Variants in WWC2 observed in about 807,000 individuals in gnomAD.
The protein encoded by WWC2 is protein WWC2.
In WWC2, 101 loss-of-function variants were observed where a neutral mutation model predicts 138.5. The observed-to-expected ratio is 0.73, with a 90% CI of 0.62 to 0.86. The LOEUF (loss-of-function observed/expected upper bound fraction) is 0.86. WWC2 is among the 40% of genes least tolerant of loss of function. The pLI is 0.00. For synonymous variants in WWC2, 558 were observed against 538.4 expected (o/e 1.04, Z -0.50); for missense variants, 1,420 against 1,419.4 (o/e 1.00, Z -0.01).
At chr4:183,306,885 A>AAAAAAAAAAAG (rs1432959671) in intron 21 of WWC2, among the ~76,000 whole-genome samples, 4 of 151,172 alleles carry the variant, frequency 2.6e-5, no homozygotes, top group Admixed American at 6.6e-5. Flanking sequence ...ATGAGGCAAA[A>AAAAAAAAAAAG]AAAAAAAAAA....
intron 22 of WWC2, 66 bp downstream of exon 22, chr4:183,312,534 C>T (rs1321496579): frequency 1.9e-6 from 3 of 1,598,862 alleles, no homozygotes; most frequent in Non-Finnish European, 2.6e-6. Context: ...TAGGAATTCA[C>T]CTCAGTGCAG....
rs1420771994 is a variant in WWC2 at position 183,270,521 on chromosome 4, T to C, written c.2401-559T>C. 2.0e-5 allele frequency among the ~76,000 whole-genome samples: 3 copies of C among 152,260 alleles called. No individual in the cohort carries two copies. In the East Asian group the frequency reaches 5.8e-4, roughly 29 times the overall value. The stretch of plus-strand genomic sequence containing the variant: ...GGTCATGCCTGTAATCCTAGCACTT[T>C]GGGAGGCCGAGGCAGGCAGATCACC... On this transcript the variant is annotated intron_variant, in intron 15 of 22. Coordinates refer to ENST00000403733, the MANE Select transcript of WWC2 (RefSeq NM_024949.6).
At chr4:183,224,614 G>A (rs1736020084) in intron 4 of WWC2, among the ~76,000 whole-genome samples, 1 of 152,188 alleles carries the variant, frequency 6.6e-6, no homozygotes, top group Non-Finnish European at 1.5e-5. Context: ...AGGATGGAGT[G>A]CACTGGCGCC....
At chr4:183,126,273 G>A (rs1341496025) in intron 1 of WWC2, among the ~76,000 whole-genome samples, 1 of 152,228 alleles carries the variant, frequency 6.6e-6, no homozygotes, top group Non-Finnish European at 1.5e-5. Context: ...GATTGTTTGA[G>A]AGGTAATGTC....
At chr4:183,229,079 G>C (rs1002102997) in intron 4 of WWC2, among the ~76,000 whole-genome samples, 2 of 152,010 alleles carry the variant, frequency 1.3e-5, no homozygotes, top group Non-Finnish European at 2.9e-5. Context: ...TAATTTGGAG[G>C]GCACAAGAGT....
At chr4:183,177,518 T>C (rs1380876650) in intron 1 of WWC2, among the ~76,000 whole-genome samples, 2 of 152,314 alleles carry the variant, frequency 1.3e-5, no homozygotes, top group East Asian at 3.9e-4. Flanking sequence ...GAAGCTCCTT[T>C]GTTGTTTAAC....
chr4:183,188,682 G>T (rs1580033958), intron 1 of WWC2, among the ~76,000 whole-genome samples: 1 of 102,038 alleles, frequency 9.8e-6, no homozygotes, highest in Admixed American at 1.5e-4. Context: ...TCTCGCTCTT[G>T]TCCCCAGGCT....
rs1739619531 is a variant in WWC2, at chr4:183,320,738, A to C, written c.*5009A>C. ...GTTATTTTTTAAAAATAGGTTTAAG[A>C]AAAGTATTTCTTAACCAAATAAATC... is the stretch of plus-strand genomic sequence containing the variant. On this transcript the variant is annotated 3_prime_UTR_variant, in exon 23 of 23. Coordinates refer to ENST00000403733, the MANE Select transcript of WWC2 (RefSeq NM_024949.6). 1.7e-5 allele frequency: 3 copies of C among 172,312 alleles called. No homozygotes were observed. In the South Asian group the frequency reaches 5.1e-4, roughly 30 times the overall value. 10.7% of individuals were successfully genotyped at this position (172,312 alleles called of 1,614,324 possible). A position where few individuals can be genotyped will look rare whatever the true frequency, so the allele number is the denominator to read the frequency against.
chr4:183,280,523 C>T (rs1333829347), intron 16 of WWC2, among the ~76,000 whole-genome samples: 1 of 151,986 alleles, frequency 6.6e-6, no homozygotes, highest in East Asian at 1.9e-4. Flanking sequence ...GGCCATGGCT[C>T]ACCTTATTAT....
intron 4 of WWC2, among the ~76,000 whole-genome samples, chr4:183,228,408 G>A (rs1736135217): frequency 6.6e-6 from 1 of 152,034 alleles, no homozygotes. Context: ...ACACGTGGTT[G>A]ACAAGCTTTA....
At chr4:183,160,072 A>G (rs1158179597) in intron 1 of WWC2, among the ~76,000 whole-genome samples, 1 of 152,200 alleles carries the variant, frequency 6.6e-6, no homozygotes, top group Non-Finnish European at 1.5e-5. Flanking sequence ...CACCTTCCAC[A>G]GTTTATTAAC....
intron 1 of WWC2, among the ~76,000 whole-genome samples, chr4:183,164,286 A>G (rs1238410870): frequency 3.7e-3 from 1 of 268 alleles, no homozygotes; most frequent in Non-Finnish European, 0.011. Context: ...ATATATATAT[A>G]TATATATATA....
At chr4:183,152,089 G>A (rs1347551241) in intron 1 of WWC2, among the ~76,000 whole-genome samples, 1 of 152,202 alleles carries the variant, frequency 6.6e-6, no homozygotes, top group Non-Finnish European at 1.5e-5. Flanking sequence ...AAGTATCAGT[G>A]TAGTGTGGAC....
chr4:183,265,810 G>T (rs900637537), intron 13 of WWC2, 42 bp downstream of exon 13: 1 of 1,608,712 alleles, frequency 6.2e-7, no homozygotes, highest in Admixed American at 1.7e-5. Context: ...TGACATCTGT[G>T]CAGGGCAAGT....
intron 1 of WWC2, among the ~76,000 whole-genome samples, chr4:183,187,226 T>G (rs1487479556): frequency 6.6e-6 from 1 of 152,062 alleles, no homozygotes; most frequent in Non-Finnish European, 1.5e-5. Flanking sequence ...CACAAAATTC[T>G]GGATGTGTCA....
intron 1 of WWC2, among the ~76,000 whole-genome samples, chr4:183,149,851 T>C (rs1733589652): frequency 6.6e-6 from 1 of 152,178 alleles, no homozygotes; most frequent in Non-Finnish European, 1.5e-5. Flanking sequence ...TGAATTAATA[T>C]GGGGTTGCAA....
At chr4:183,102,989 G>A (rs991604981) in intron 1 of WWC2, among the ~76,000 whole-genome samples, 1 of 151,722 alleles carries the variant, frequency 6.6e-6, no homozygotes, top group African/African-American at 2.4e-5. Context: ...AGGGTGGGTT[G>A]GCTTTACCAA....
At chr4:183,123,436 TTTC>T in intron 1 of WWC2, among the ~76,000 whole-genome samples, 1 of 151,822 alleles carries the variant, frequency 6.6e-6, no homozygotes, top group African/African-American at 2.4e-5. Flanking sequence ...TGTGTGTGTA[TTTC>T]ATGTAAAATT....
chr4:183,249,608 A>G (rs2111332996), intron 7 of WWC2, among the ~76,000 whole-genome samples: 1 of 152,362 alleles, frequency 6.6e-6, no homozygotes, highest in East Asian at 1.9e-4. Context: ...ATTGACCTGT[A>G]CACCCTTCAT....
Sources: allele counts gnomAD v4.1 joint callset (sites outside exome capture counted in the v4.1 genomes callset), GRCh38; gene constraint gnomAD v4.1.1; transcripts MANE v1.5; gene names NCBI Gene and HGNC (gene_info 2026-07-23, HGNC 2026-07-21).